The following EPB41L4A variants were observed in gnomAD, a reference collection of about 807,000 sequenced individuals.
The protein encoded by EPB41L4A is band 4.1-like protein 4A.
Under a neutral mutation model 108.6 loss-of-function variants are expected in EPB41L4A, and 100 were observed. The observed-to-expected ratio is 0.92, with a 90% CI of 0.78 to 1.09. EPB41L4A has a LOEUF of 1.09. Ranked by LOEUF, EPB41L4A falls within the 50% of genes least tolerant of loss-of-function variation. EPB41L4A has a pLI of 0.00. For missense variants in EPB41L4A, 1,030 were observed against 842.7 expected, an observed-to-expected ratio of 1.22 and a Z score of -2.75; for synonymous variants, 319 against 289.0, an observed-to-expected ratio of 1.10 and a Z score of -1.05.
At chr5:112,326,256 C>T (rs892197757) in intron 1 of EPB41L4A, among the ~76,000 whole-genome samples, 1 of 152,070 alleles carries the variant, frequency 6.6e-6, no homozygotes, top group African/African-American at 2.4e-5. Context: ...GGTGGAGGGT[C>T]GGTGCCCCCA....
chr5:112,351,839 C>T (rs1758060997), intron 1 of EPB41L4A, among the ~76,000 whole-genome samples: 1 of 152,046 alleles, frequency 6.6e-6, no homozygotes, highest in Non-Finnish European at 1.5e-5. Context: ...AAGGATGAGT[C>T]AATAAACGCA....
chr5:112,321,661 C>T (rs1362140510), intron 1 of EPB41L4A, among the ~76,000 whole-genome samples: 3 of 152,162 alleles, frequency 2.0e-5, no homozygotes, highest in Non-Finnish European at 1.5e-5. Context: ...TAATGTACCA[C>T]AACCAAAAGA....
intron 1 of EPB41L4A, among the ~76,000 whole-genome samples, chr5:112,396,572 GT>G (rs1436347061): frequency 6.6e-6 from 1 of 152,172 alleles, no homozygotes; most frequent in Non-Finnish European, 1.5e-5. Flanking sequence ...CTCTTGCGAC[GT>G]TATGGTCAGA....
chr5:112,229,121 A>C (rs1458136276), intron 12 of EPB41L4A, among the ~76,000 whole-genome samples: 2 of 152,096 alleles, frequency 1.3e-5, no homozygotes, highest in South Asian at 2.1e-4. Flanking sequence ...TAAAGTAAAA[A>C]CTCATTTAGT....
chr5:112,402,882 A>G (rs1363518563), intron 1 of EPB41L4A, among the ~76,000 whole-genome samples: 1 of 152,184 alleles, frequency 6.6e-6, no homozygotes, highest in African/African-American at 2.4e-5. Context: ...TGAGAACAAT[A>G]TTTAAAAGGA....
intron 1 of EPB41L4A, among the ~76,000 whole-genome samples, chr5:112,321,433 T>C (rs1270256285): frequency 6.6e-6 from 1 of 152,206 alleles, no homozygotes; most frequent in Admixed American, 6.5e-5. Flanking sequence ...AGAGGGATGC[T>C]CTTTTAGGGC....
intron 12 of EPB41L4A, among the ~76,000 whole-genome samples, chr5:112,155,834 C>G (rs1282077291): frequency 1.3e-5 from 2 of 152,022 alleles, no homozygotes; most frequent in African/African-American, 4.8e-5. Flanking sequence ...CACAAGTAAT[C>G]CATTATAATT....
chr5:112,339,635 G>C (rs1757180634), intron 1 of EPB41L4A, among the ~76,000 whole-genome samples: 3 of 151,088 alleles, frequency 2.0e-5, no homozygotes, highest in Admixed American at 2.0e-4. Flanking sequence ...CTGGGTTCAA[G>C]CGATTCCCCC....
rs1284043182 is a variant in EPB41L4A at position 112,353,719 on chromosome 5, A to G, written c.100-46229T>C. 5.9e-5 allele frequency among the ~76,000 whole-genome samples: 9 copies of G among 152,144 alleles called. No individual in the cohort carries two copies. In the East Asian group the frequency reaches 1.7e-3, roughly 29 times the overall value. The stretch of plus-strand genomic sequence containing the variant: ...AGGCCCTGATAGTTTGCATGGGTAT[A>G]GGCTGTGGTGGGTGGAGTGGGGAAT... On this transcript the variant is annotated intron_variant, in intron 1 of 22. Coordinates refer to ENST00000261486, the MANE Select transcript of EPB41L4A (RefSeq NM_022140.5).
chr5:112,234,756 CT>C lies in EPB41L4A; in HGVS notation c.966-2del. The C allele has an allele frequency of 6.2e-7, 1 of 1,608,728 alleles. No individual in the cohort carries two copies. Among genetic ancestry groups the C allele is most frequent in the Non-Finnish European group, 8.5e-7 (1 of 1,176,548 alleles). On this transcript the variant is annotated splice_acceptor_variant, in intron 11 of 22. Coordinates refer to ENST00000261486, the MANE Select transcript of EPB41L4A (RefSeq NM_022140.5). LOFTEE classifies it high-confidence loss of function. ...GCTCATTTGCAAAGCTGTCCTGCCA[CT>C]TGAGAGTGCAACATTTTGATTAGCA...
chr5:112,391,051 C>T (rs1305823465), intron 1 of EPB41L4A, among the ~76,000 whole-genome samples: 1 of 152,134 alleles, frequency 6.6e-6, no homozygotes, highest in Admixed American at 6.5e-5. Context: ...ACATCCACAC[C>T]AAAGCCCCAG....
intron 1 of EPB41L4A, among the ~76,000 whole-genome samples, chr5:112,354,613 G>A (rs541340125): frequency 1.2e-4 from 19 of 152,264 alleles, no homozygotes; most frequent in African/African-American, 4.6e-4. Context: ...GTTATCAGTC[G>A]AGTAATGTTT....
chr5:112,197,977 C>T (rs1473642036), intron 15 of EPB41L4A, among the ~76,000 whole-genome samples: 2 of 152,212 alleles, frequency 1.3e-5, no homozygotes, highest in African/African-American at 4.8e-5. Flanking sequence ...TTTCAGACTT[C>T]TGAAGGCAAT....
chr5:112,328,156 A>AG (rs1756306327), intron 1 of EPB41L4A, among the ~76,000 whole-genome samples: 1 of 152,066 alleles, frequency 6.6e-6, no homozygotes, highest in South Asian at 2.1e-4. Context: ...AAAAATATAA[A>AG]AAATTAGCCG....
chr5:112,407,729 A>C (rs1762152624), intron 1 of EPB41L4A, among the ~76,000 whole-genome samples: 1 of 152,204 alleles, frequency 6.6e-6, no homozygotes, highest in African/African-American at 2.4e-5. Flanking sequence ...ATAAATAACA[A>C]CACTCAGAGC....
intron 1 of EPB41L4A, among the ~76,000 whole-genome samples, chr5:112,370,405 A>C (rs1322743310): frequency 3.3e-5 from 5 of 152,082 alleles, no homozygotes; most frequent in Non-Finnish European, 5.9e-5. Flanking sequence ...ATTTTTCTTT[A>C]AAAATATTTT....
At chr5:112,262,771 T>C (rs1426830735) in intron 6 of EPB41L4A, among the ~76,000 whole-genome samples, 190 bp from the exon 7 acceptor site, 1 of 152,244 alleles carries the variant, frequency 6.6e-6, no homozygotes, top group Non-Finnish European at 1.5e-5. Context: ...GTGATACTTA[T>C]ATTAATTTCA....
intron 2 of EPB41L4A, among the ~76,000 whole-genome samples, chr5:112,287,363 A>G (rs59964230): frequency 0.021 from 3,233 of 152,268 alleles, 117 homozygotes; most frequent in African/African-American, 0.072. Context: ...TTTATCTTCT[A>G]TCTCTTCTAT....
chr5:112,277,353 T>C (rs987765526), intron 3 of EPB41L4A, among the ~76,000 whole-genome samples: 4 of 152,192 alleles, frequency 2.6e-5, no homozygotes, highest in African/African-American at 9.7e-5. Flanking sequence ...TAAGCAAAAA[T>C]GTTAAAAGTA....
Sources: allele counts gnomAD v4.1 joint callset (sites outside exome capture counted in the v4.1 genomes callset), GRCh38; gene constraint gnomAD v4.1.1; transcripts MANE v1.5; gene names NCBI Gene and HGNC (gene_info 2026-07-23, HGNC 2026-07-21).